CFAP99: variants seen among roughly 807,000 people sequenced by gnomAD.
CFAP99 encodes the protein cilia and flagella associated protein 99, also known as cilia- and flagella-associated protein 99.
In CFAP99, 84 loss-of-function variants were observed where a neutral mutation model predicts 82.7. The ratio of observed to expected loss-of-function variants is 1.02; its 90% CI spans 0.85 to 1.22. The LOEUF is 1.22. Ranked by LOEUF, CFAP99 falls within the 50% of genes most tolerant of loss-of-function variation. The pLI, the probability that CFAP99 is intolerant of heterozygous loss-of-function variation, is 0.00. For missense variants in CFAP99, 1,059 were observed against 983.5 expected, an observed-to-expected ratio of 1.08 and a Z score of -1.03; for synonymous variants, 456 against 429.5, an observed-to-expected ratio of 1.06 and a Z score of -0.76.
chr4:2,436,299 G>A lies in CFAP99; in HGVS notation c.112-575G>A, dbSNP rs544789083. Among the ~76,000 whole-genome samples the A allele has an allele frequency of 3.3e-5, 5 of 152,108 alleles. No homozygotes were observed. The East Asian group carries it at 9.6e-4, about 29-fold the overall frequency. The stretch of plus-strand genomic sequence containing the variant: ...CCTTGCAGAGATGTTCCTTGCTCAT[G>A]CATCATTCATTTTGGTTATTTTTTA... On this transcript the variant is annotated intron_variant, in intron 2 of 14. Coordinates refer to ENST00000635017, the Ensembl canonical transcript of CFAP99.
At chr4:2,429,319 A>G (rs141060406) in intron 2 of CFAP99, 1 of 152,376 alleles carries the variant, frequency 6.6e-6, no homozygotes, top group East Asian at 1.9e-4. Context: ...TGAGTTTGTT[A>G]CAACAAATAG....
At chr4:2,420,189 A>G (rs1260672785) in intron 1 of CFAP99, among the ~76,000 whole-genome samples, 2 of 151,406 alleles carry the variant, frequency 1.3e-5, no homozygotes, top group Non-Finnish European at 2.9e-5. Context: ...AACACTGGAG[A>G]CCCTGGACTC....
intron 11 of CFAP99, among the ~76,000 whole-genome samples, chr4:2,456,351 A>G (rs9990857): frequency 0.23 from 35,108 of 151,572 alleles, 4,180 homozygotes; most frequent in South Asian, 0.29. Context: ...CCAGTTTTAA[A>G]GTACTCTAGC....
intron 1 of CFAP99, among the ~76,000 whole-genome samples, chr4:2,422,471 C>A (rs1733604434): frequency 6.6e-6 from 1 of 152,176 alleles, no homozygotes; most frequent in Non-Finnish European, 1.5e-5. Context: ...GGCCCTCTTC[C>A]TCCTCCTCGA....
chr4:2,426,031 G>A (rs976155659), intron 1 of CFAP99, among the ~76,000 whole-genome samples: 3 of 152,198 alleles, frequency 2.0e-5, no homozygotes, highest in South Asian at 2.1e-4. Flanking sequence ...TCACCTTCCC[G>A]GGCAAAGCTG....
At chr4:2,438,860 G>A (rs1733977450) in intron 4 of CFAP99, among the ~76,000 whole-genome samples, 4 of 152,210 alleles carry the variant, frequency 2.6e-5, no homozygotes, top group South Asian at 4.1e-4. Flanking sequence ...GGGGAAATCC[G>A]ATTCCGCTCC....
chr4:2,422,848 C>A (rs186963323), intron 1 of CFAP99, among the ~76,000 whole-genome samples: 18 of 152,298 alleles, frequency 1.2e-4, no homozygotes, highest in Admixed American at 5.9e-4. Context: ...AATGTGTCAC[C>A]CAGCCTAGAG....
At position 2,429,661 on chromosome 4, in the gene CFAP99, T is replaced by G. The variant is rs541860524; in HGVS notation, c.111+3075T>G. Among the ~76,000 whole-genome samples the G allele has an allele frequency of 9.9e-5, 15 of 151,656 alleles. No homozygotes were observed. In the South Asian group the frequency reaches 2.5e-3, roughly 25 times the overall value. ...GGCTGGAGTGCAGTGGCGCCATCTC[T>G]GCTCACTGCAAGCTCCGCCTCCTGG... On this transcript the variant is annotated intron_variant, in intron 2 of 14. Coordinates refer to ENST00000635017, the Ensembl canonical transcript of CFAP99.
chr4:2,446,520 G>A lies in CFAP99; in HGVS notation c.642+1212G>A, dbSNP rs1209567779. On this transcript the variant is annotated intron_variant, in intron 6 of 14. Coordinates refer to ENST00000635017, the Ensembl canonical transcript of CFAP99. The surrounding 1 kb of genome is among the most constrained non-coding windows in gnomAD (Gnocchi z 5.0). The stretch of plus-strand genomic sequence containing the variant: ...TGATTCTCCTGCCTCAGCCCCCCGA[G>A]TAGCTGGGATTACAGGTACCGGCCA... 6.6e-6 allele frequency among the ~76,000 whole-genome samples: 1 copy of A among 152,116 alleles called. No individual in the cohort carries two copies. Among genetic ancestry groups the A allele is most frequent in the Non-Finnish European group, 1.5e-5 (1 of 68,030 alleles).
chr4:2,425,339 G>A (rs1452819357), intron 1 of CFAP99, among the ~76,000 whole-genome samples: 1 of 152,186 alleles, frequency 6.6e-6, no homozygotes, highest in Non-Finnish European at 1.5e-5. Context: ...GAGAGAGTCA[G>A]GGGGCAGGTC....
At chr4:2,436,878 T>G in exon 3 of CFAP99, 1 of 1,535,264 alleles carries the variant, frequency 6.5e-7, no homozygotes, top group Non-Finnish European at 8.7e-7. Context: ...TTCCAGGCTC[T>G]GAGCCCCCAG....
chr4:2,456,950 C>CT (rs574632036), intron 11 of CFAP99, among the ~76,000 whole-genome samples: 20,265 of 109,424 alleles, frequency 0.19, 2,149 homozygotes, highest in South Asian at 0.33. Flanking sequence ...TCTTTGAATA[C>CT]TTTTTTTTTT....
chr4:2,460,286 G>A, intron 14 of CFAP99, 44 bp downstream of exon 14: 1 of 1,513,576 alleles, frequency 6.6e-7, no homozygotes, highest in Non-Finnish European at 8.9e-7. Context: ...TGGACAGGGA[G>A]CATGCTGTAA....
intron 4 of CFAP99, among the ~76,000 whole-genome samples, chr4:2,441,017 C>A (rs1197979902): frequency 2.6e-5 from 4 of 151,512 alleles, no homozygotes; most frequent in Non-Finnish European, 5.9e-5. Context: ...ATGATTGTGC[C>A]ACTGCACTCC....
chr4:2,430,532 G>T (rs951986561), intron 2 of CFAP99, among the ~76,000 whole-genome samples: 2 of 149,604 alleles, frequency 1.3e-5, no homozygotes, highest in Non-Finnish European at 3.0e-5. Context: ...CCGGACAGCG[G>T]ACTGCGGTGA....
intron 1 of CFAP99, among the ~76,000 whole-genome samples, chr4:2,419,465 C>CT (rs1304757983): frequency 6.6e-6 from 1 of 152,192 alleles, no homozygotes; most frequent in Non-Finnish European, 1.5e-5. Flanking sequence ...CGTGCCCTGG[C>CT]TGTGGGGGTT....
intron 14 of CFAP99, 30 bp downstream of exon 14, chr4:2,460,272 T>C (rs1734591028): frequency 6.5e-7 from 1 of 1,530,052 alleles, no homozygotes; most frequent in Non-Finnish European, 8.8e-7. Context: ...AGGGTGCCTC[T>C]GGGTGGACAG....
intron 1 of CFAP99, among the ~76,000 whole-genome samples, chr4:2,424,084 CCT>C (rs1246320514): frequency 6.6e-6 from 1 of 152,244 alleles, no homozygotes; most frequent in African/African-American, 2.4e-5. Context: ...CTCCTGCTGG[CCT>C]CTGTGTCCAT....
chr4:2,446,028 G>C lies in CFAP99; in HGVS notation c.642+720G>C, dbSNP rs982823999. 2.6e-5 allele frequency among the ~76,000 whole-genome samples: 4 copies of C among 152,234 alleles called. No individual in the cohort carries two copies. Among genetic ancestry groups the C allele is most frequent in the Non-Finnish European group, 4.4e-5 (3 of 68,038 alleles). ...GGTTCTATCCCAAGCACCAGCAATG[G>C]ACTGAGCTTCCCAGAACCAACGTGG... On this transcript the variant is annotated intron_variant, in intron 6 of 14. Transcript: ENST00000635017. The surrounding 1 kb of genome is among the most constrained non-coding windows in gnomAD (Gnocchi z 5.0).
Sources: gnomAD v4.1 joint callset for allele counts (sites outside exome capture counted in the v4.1 genomes callset) on GRCh38, gnomAD v4.1.1 for gene constraint, Gnocchi (gnomAD v3.1) non-coding constraint, MANE v1.5 for transcripts, NCBI Gene and HGNC (gene_info 2026-07-23, HGNC 2026-07-21) for gene names.